The following USP34 variants were observed in gnomAD, a reference collection of about 807,000 sequenced individuals.
The protein encoded by USP34 is ubiquitin carboxyl-terminal hydrolase 34.
USP34 carries 70 observed loss-of-function variants against 460.3 expected under a neutral mutation model. That is an observed-to-expected ratio of 0.15 (90% CI 0.13 to 0.19). USP34 has a LOEUF of 0.19. Ranked by LOEUF, USP34 falls within the 10% of genes least tolerant of loss-of-function variation. The pLI, the probability that USP34 is intolerant of heterozygous loss-of-function variation, is 1.00. For missense variants in USP34, 3,985 were observed against 4,236.2 expected (o/e 0.94, Z 1.65); for synonymous variants, 1,647 against 1,405.3 (o/e 1.17, Z -3.85).
At chr2:61,373,117 A>G (rs1225805321) in intron 8 of USP34, among the ~76,000 whole-genome samples, 1 of 152,182 alleles carries the variant, frequency 6.6e-6, no homozygotes, top group African/African-American at 2.4e-5. Context: ...ATCAGTATGA[A>G]TGTCAAGAAG....
intron 3 of USP34, among the ~76,000 whole-genome samples, chr2:61,396,058 A>G (rs1362397365): frequency 6.6e-6 from 1 of 151,854 alleles, no homozygotes; most frequent in South Asian, 2.1e-4. Flanking sequence ...CTGTCTCAAA[A>G]AAAAAAAAAA....
At chr2:61,457,896 G>C (rs562342143) in intron 1 of USP34, among the ~76,000 whole-genome samples, 2 of 152,172 alleles carry the variant, frequency 1.3e-5, no homozygotes, top group South Asian at 4.1e-4. Flanking sequence ...TTTATGAAGA[G>C]GGTGGCAAGC....
chr2:61,242,458 T>TACACACACACACACACACAC (rs67471702), intron 51 of USP34, among the ~76,000 whole-genome samples: 2 of 129,774 alleles, frequency 1.5e-5, no homozygotes, highest in South Asian at 2.7e-4. Context: ...AGATAATACA[T>TACACACACACACACACACAC]ACACACACAC....
chr2:61,343,780 G>T (rs761386212), intron 16 of USP34, 35 bp downstream of exon 16: 1 of 1,571,032 alleles, frequency 6.4e-7, no homozygotes, highest in South Asian at 1.1e-5. Context: ...CTGTTGTGAA[G>T]AAGGTAATAT....
At chr2:61,209,219 A>G (rs1687205316) in intron 69 of USP34, among the ~76,000 whole-genome samples, 1 of 152,238 alleles carries the variant, frequency 6.6e-6, no homozygotes, top group South Asian at 2.1e-4. Context: ...GGCAGAAGAT[A>G]TGGGAATATT....
chr2:61,410,973 A>G (rs1385866439), intron 2 of USP34, among the ~76,000 whole-genome samples: 2 of 152,070 alleles, frequency 1.3e-5, no homozygotes, highest in Admixed American at 1.3e-4. Flanking sequence ...TACAATTAAA[A>G]CCTGCAGGTT....
At chr2:61,208,065 C>A (rs554147688) in intron 70 of USP34, 1 of 152,318 alleles carries the variant, frequency 6.6e-6, no homozygotes, top group African/African-American at 2.4e-5. Context: ...TGATTTTAAC[C>A]CTGTAATAGT....
rs1450791333 is a variant in USP34, at chr2:61,280,928, C to CA, written c.5151+161dup. Among the ~76,000 whole-genome samples, 9 of 152,114 alleles carry CA rather than the reference C, an allele frequency of 5.9e-5. No homozygotes were observed. The East Asian group carries it at 1.5e-3, about 26-fold the overall frequency. On this transcript the variant is annotated intron_variant, in intron 38 of 79. Transcript: ENST00000398571. ...TAGTAGTAACATGGACACAATGTGT[C>CA]ACAATGCTGTCACCTTAAGTAGTAT...
intron 28 of USP34, 73 bp from the exon 29 acceptor site, chr2:61,301,233 G>T (rs989582245): frequency 1.3e-6 from 2 of 1,526,164 alleles, no homozygotes; most frequent in Non-Finnish European, 1.8e-6. Flanking sequence ...CTGAAGTATA[G>T]AATCACTTAA....
At chr2:61,369,011 C>T (rs1692524546) in intron 10 of USP34, among the ~76,000 whole-genome samples, 1 of 152,020 alleles carries the variant, frequency 6.6e-6, no homozygotes, top group Admixed American at 6.5e-5. Context: ...TGATAAATAG[C>T]AAAAAATATG....
chr2:61,466,577 G>T (rs1306422922), intron 1 of USP34, among the ~76,000 whole-genome samples: 1 of 152,142 alleles, frequency 6.6e-6, no homozygotes, highest in Non-Finnish European at 1.5e-5. Context: ...TGTACACCAT[G>T]AATATGTAAA....
intron 8 of USP34, among the ~76,000 whole-genome samples, chr2:61,371,874 A>G (rs888015350): frequency 1.3e-5 from 2 of 152,170 alleles, no homozygotes; most frequent in African/African-American, 4.8e-5. Context: ...ATACACAAAT[A>G]TTTACAAAGT....
At chr2:61,203,599 T>C (rs1335372650) in intron 74 of USP34, among the ~76,000 whole-genome samples, 2 of 152,172 alleles carry the variant, frequency 1.3e-5, no homozygotes, top group African/African-American at 2.4e-5. Context: ...AAGTTATTCC[T>C]GTAATGTTAA....
At chr2:61,326,452 T>C (rs1052224339) in intron 20 of USP34, among the ~76,000 whole-genome samples, 2 of 152,140 alleles carry the variant, frequency 1.3e-5, no homozygotes, top group African/African-American at 4.8e-5. Context: ...TGTCTCAAAC[T>C]CCTGACCTCA....
intron 16 of USP34, among the ~76,000 whole-genome samples, chr2:61,343,419 A>C (rs1196190846): frequency 6.6e-6 from 1 of 152,152 alleles, no homozygotes; most frequent in African/African-American, 2.4e-5. Flanking sequence ...TTCTGCCTGC[A>C]GATTTGCCTA....
At chr2:61,254,391 A>T (rs560754443) in intron 48 of USP34, among the ~76,000 whole-genome samples, 2 of 152,212 alleles carry the variant, frequency 1.3e-5, no homozygotes, top group Non-Finnish European at 2.9e-5. Context: ...CACACAGATA[A>T]ACCTAAAACT....
At chr2:61,468,235 G>A (rs1695843943) in intron 1 of USP34, among the ~76,000 whole-genome samples, 1 of 152,194 alleles carries the variant, frequency 6.6e-6, no homozygotes, top group Non-Finnish European at 1.5e-5. Context: ...GCCCAGGCTG[G>A]AGTGCAATGG....
chr2:61,190,425 A>T lies in USP34; in HGVS notation c.9730-11T>A, dbSNP rs368992220. On this transcript the variant is annotated splice_polypyrimidine_tract_variant and intron_variant, in intron 77 of 79. Transcript: ENST00000398571. Reference sequence around the variant, plus strand: ...CACTTGACTTTGAACCTGAAAAAGAAGATTTAAAAAAATCTCCAAAAGACC... The same window carrying T: ...CACTTGACTTTGAACCTGAAAAAGATGATTTAAAAAAATCTCCAAAAGACC... 47 of 1,598,936 alleles carry T rather than the reference A, an allele frequency of 2.9e-5. 3 individuals carry two copies. In the South Asian group the frequency reaches 3.2e-4, roughly 11 times the overall value.
chr2:61,277,502 G>C (rs990585197), intron 41 of USP34, among the ~76,000 whole-genome samples: 12 of 152,144 alleles, frequency 7.9e-5, no homozygotes, highest in Admixed American at 7.9e-4. Context: ...CACTCAAAGT[G>C]CTAGGACTAT....
Sources: allele counts gnomAD v4.1 joint callset (sites outside exome capture counted in the v4.1 genomes callset), GRCh38; gene constraint gnomAD v4.1.1; transcripts MANE v1.5; gene names NCBI Gene and HGNC (gene_info 2026-07-23, HGNC 2026-07-21).